Variants in PDZD2 observed in about 807,000 individuals in gnomAD.
PDZD2 encodes the protein PDZ domain-containing protein 2.
A neutral mutation model predicts 220.7 loss-of-function variants in PDZD2; 90 were observed. That is an observed-to-expected ratio of 0.41 (90% CI 0.34 to 0.49). The LOEUF (loss-of-function observed/expected upper bound fraction) is 0.49, where lower values mean the gene tolerates loss of function less well. PDZD2 is among the 20% of genes least tolerant of loss of function. The pLI is 0.28. For missense variants in PDZD2, 3,174 were observed against 3,608.5 expected (o/e 0.88, Z 3.08); for synonymous variants, 1,375 against 1,450.5 (o/e 0.95, Z 1.18).
At chr5:31,849,832 A>T (rs1757808339) in intron 2 of PDZD2, among the ~76,000 whole-genome samples, 1 of 145,716 alleles carries the variant, frequency 6.9e-6, no homozygotes, top group Non-Finnish European at 1.5e-5. Context: ...TGATGGAGTG[A>T]GACTCCATCT....
At chr5:31,748,357 A>T (rs1024027779) in intron 1 of PDZD2, among the ~76,000 whole-genome samples, 1 of 152,214 alleles carries the variant, frequency 6.6e-6, no homozygotes, top group African/African-American at 2.4e-5. Context: ...ATGACTATGG[A>T]CATGTCATTT....
At chr5:31,848,491 G>A (rs1291279196) in intron 2 of PDZD2, among the ~76,000 whole-genome samples, 2 of 152,240 alleles carry the variant, frequency 1.3e-5, no homozygotes, top group Admixed American at 1.3e-4. Context: ...GCTCACGCCT[G>A]TAATCCCAGC....
chr5:32,086,573 G>A (rs918162438), intron 19 of PDZD2, among the ~76,000 whole-genome samples: 1 of 152,146 alleles, frequency 6.6e-6, no homozygotes, highest in African/African-American at 2.4e-5. Flanking sequence ...TCTAAAGCAG[G>A]GTGGTATTTG....
intron 3 of PDZD2, among the ~76,000 whole-genome samples, chr5:31,988,537 C>G (rs747326991): frequency 6.6e-6 from 1 of 152,018 alleles, no homozygotes; most frequent in Admixed American, 6.6e-5. Flanking sequence ...ACCTCATACT[C>G]TAGGGATTTG....
intron 1 of PDZD2, among the ~76,000 whole-genome samples, chr5:31,761,725 G>A (rs1225123031): frequency 6.6e-6 from 1 of 151,902 alleles, no homozygotes; most frequent in African/African-American, 2.4e-5. Flanking sequence ...GCTGGGCATG[G>A]TAGTGGGTGC....
chr5:31,873,886 A>G (rs1739068707), intron 2 of PDZD2, among the ~76,000 whole-genome samples: 1 of 151,804 alleles, frequency 6.6e-6, no homozygotes, highest in Non-Finnish European at 1.5e-5. Context: ...ATGCATCACC[A>G]TGCCCAGCTA....
At chr5:31,906,501 T>G (rs1194812668) in intron 2 of PDZD2, among the ~76,000 whole-genome samples, 2 of 151,832 alleles carry the variant, frequency 1.3e-5, no homozygotes, top group Non-Finnish European at 2.9e-5. Flanking sequence ...TCAGCCACCA[T>G]GCGCGGCCTT....
chr5:32,096,829 A>ATTTTTTTTTTTTTTTTTTTTTT (rs71831480), intron 21 of PDZD2, among the ~76,000 whole-genome samples: 1 of 96,832 alleles, frequency 1.0e-5, no homozygotes, highest in Non-Finnish European at 1.9e-5. Context: ...ATGTACTATG[A>ATTTTTTTTTTTTTTTTTTTTTT]TTTTTTTTTT....
At chr5:31,740,456 C>T (rs182125680) in intron 1 of PDZD2, among the ~76,000 whole-genome samples, 5,555 of 136,792 alleles carry the variant, frequency 0.041, 362 homozygotes, top group African/African-American at 0.14. Flanking sequence ...ACCCGGGAGG[C>T]GGAGCTTGCA....
At chr5:31,994,263 T>A (rs1581233081) in intron 3 of PDZD2, among the ~76,000 whole-genome samples, 1 of 151,816 alleles carries the variant, frequency 6.6e-6, no homozygotes, top group East Asian at 1.9e-4. Flanking sequence ...CACCTTGGCC[T>A]CCTCAAAGTG....
chr5:31,732,940 A>G (rs1749622122), intron 1 of PDZD2, among the ~76,000 whole-genome samples: 2 of 152,174 alleles, frequency 1.3e-5, no homozygotes, highest in South Asian at 2.1e-4. Context: ...TGTTGGCCAG[A>G]CTGATCTTGA....
chr5:32,090,757 G>A lies in PDZD2; in HGVS notation c.7309G>A (p.Gly2437Ser), dbSNP rs1212007876. The A allele has an allele frequency of 2.5e-6, 4 of 1,614,094 alleles. No individual in the cohort carries two copies. The highest frequency in any genetic ancestry group is 3.4e-6 in the Non-Finnish European group (4 of 1,180,032). Residue 2437 changes from glycine (G) to serine (S), a missense_variant, in exon 20 of 25, where the codon GGC (glycine) becomes AGC (serine). Physicochemically the swap from Gly to Ser is moderately conservative, Grantham distance 56. Transcript: ENST00000438447. The surrounding 1 kb of genome is among the most constrained non-coding windows in gnomAD (Gnocchi z 4.3). ...RQNPPETSSKGSDSELKKSLG... is the reference protein window; with the variant it reads ...RQNPPETSSKSSDSELKKSLG... ...GAACCCACCAGAGACCAGTAGCAAGGGCTCTGATTCGGAACTAAAGAAATC... is the reference window on the plus strand; with the variant it reads ...GAACCCACCAGAGACCAGTAGCAAGAGCTCTGATTCGGAACTAAAGAAATC...
intron 2 of PDZD2, among the ~76,000 whole-genome samples, chr5:31,827,536 T>C (rs1756299892): frequency 6.6e-6 from 1 of 151,712 alleles, no homozygotes; most frequent in Admixed American, 6.6e-5. Flanking sequence ...CTACTAAAAA[T>C]ACAAAAATTA....
chr5:31,641,709 G>A (rs1164787832), intron 1 of PDZD2, among the ~76,000 whole-genome samples: 2 of 151,892 alleles, frequency 1.3e-5, no homozygotes, highest in Non-Finnish European at 2.9e-5. Context: ...TGCTGGTCTC[G>A]AACTCCTGGG....
intron 1 of PDZD2, among the ~76,000 whole-genome samples, chr5:31,724,903 G>A (rs1405039613): frequency 6.6e-6 from 1 of 152,198 alleles, no homozygotes; most frequent in Non-Finnish European, 1.5e-5. Context: ...TAATAAGACA[G>A]TGTTGCAAAT....
chr5:32,094,628 G>C (rs1328967188), intron 21 of PDZD2, among the ~76,000 whole-genome samples: 1 of 150,782 alleles, frequency 6.6e-6, no homozygotes, highest in Non-Finnish European at 1.5e-5. Flanking sequence ...GACATGCCTT[G>C]ACAGGAGGAT....
intron 2 of PDZD2, among the ~76,000 whole-genome samples, chr5:31,922,958 C>T (rs1744411071): frequency 6.7e-6 from 1 of 149,366 alleles, no homozygotes; most frequent in Admixed American, 6.7e-5. Flanking sequence ...GGCATTATAG[C>T]CCCTGAGCCA....
chr5:31,756,306 A>T (rs947339690), intron 1 of PDZD2, among the ~76,000 whole-genome samples: 1 of 152,218 alleles, frequency 6.6e-6, no homozygotes, highest in African/African-American at 2.4e-5. Flanking sequence ...GTGCACTCAG[A>T]GAAAGATCCA....
At chr5:31,979,440 C>T (rs1215867994) in intron 2 of PDZD2, among the ~76,000 whole-genome samples, 1 of 151,980 alleles carries the variant, frequency 6.6e-6, no homozygotes, top group Non-Finnish European at 1.5e-5. Flanking sequence ...ATTAGCCGGG[C>T]ATGGTGGTGG....
Sources: allele counts gnomAD v4.1 joint callset (sites outside exome capture counted in the v4.1 genomes callset), GRCh38; gene constraint gnomAD v4.1.1; non-coding constraint Gnocchi (gnomAD v3.1); transcripts MANE v1.5; gene names NCBI Gene and HGNC (gene_info 2026-07-23, HGNC 2026-07-21).